Variants in NKAIN3 observed in about 807,000 individuals in gnomAD.
NKAIN3 encodes the protein sodium/potassium transporting ATPase interacting 3.
A neutral mutation model predicts 30.2 loss-of-function variants in NKAIN3; 25 were observed. The ratio of observed to expected loss-of-function variants is 0.83; its 90% confidence interval spans 0.60 to 1.16. The LOEUF (loss-of-function observed/expected upper bound fraction) is 1.16. Ranked by LOEUF, NKAIN3 falls within the 50% of genes most tolerant of loss-of-function variation. NKAIN3 has a pLI of 0.00. For missense variants in NKAIN3, 225 were observed against 254.1 expected (o/e 0.89, Z 0.78); for synonymous variants, 91 against 89.6 (o/e 1.02, Z -0.09).
At chr8:62,470,840 A>G (rs1420805751) in intron 1 of NKAIN3, among the ~76,000 whole-genome samples, 1 of 152,160 alleles carries the variant, frequency 6.6e-6, no homozygotes, top group Non-Finnish European at 1.5e-5. Context: ...CAGTTAAAAA[A>G]AAAACAACTT....
At chr8:62,931,855 A>C (rs1325485772) in intron 5 of NKAIN3, among the ~76,000 whole-genome samples, 4 of 152,260 alleles carry the variant, frequency 2.6e-5, no homozygotes, top group South Asian at 4.1e-4. Context: ...CTTGACAGAC[A>C]CTTTGTTGAT....
At chr8:62,312,816 CT>C (rs1814489472) in intron 1 of NKAIN3, among the ~76,000 whole-genome samples, 1 of 114,664 alleles carries the variant, frequency 8.7e-6, no homozygotes, top group Admixed American at 9.0e-5. Flanking sequence ...CAGAGTGAAC[CT>C]TGTCTCAAAA....
At chr8:62,878,937 A>G (rs891699192) in intron 4 of NKAIN3, among the ~76,000 whole-genome samples, 3 of 152,044 alleles carry the variant, frequency 2.0e-5, no homozygotes, top group Non-Finnish European at 2.9e-5. Flanking sequence ...TTGGTTCCAA[A>G]TCTTTGCTAT....
intron 4 of NKAIN3, among the ~76,000 whole-genome samples, chr8:62,790,751 A>C (rs1817682047): frequency 6.6e-6 from 1 of 152,098 alleles, no homozygotes; most frequent in African/African-American, 2.4e-5. Flanking sequence ...AAAGCTATTG[A>C]GAAAGACATG....
At chr8:62,739,828 G>A (rs1424525264) in intron 3 of NKAIN3, among the ~76,000 whole-genome samples, 2 of 152,060 alleles carry the variant, frequency 1.3e-5, no homozygotes, top group Non-Finnish European at 2.9e-5. Flanking sequence ...AATGATCAGT[G>A]GCCACTCCTC....
intron 1 of NKAIN3, among the ~76,000 whole-genome samples, chr8:62,364,842 A>AAAAAAAAAAAAAAAAAAAAC: frequency 2.0e-5 from 3 of 150,950 alleles, no homozygotes; most frequent in African/African-American, 4.9e-5. Context: ...AAAAAAAAAA[A>AAAAAAAAAAAAAAAAAAAAC]AAAAAAAAAT....
chr8:62,656,903 A>G (rs1038141589), intron 3 of NKAIN3, among the ~76,000 whole-genome samples: 1 of 152,228 alleles, frequency 6.6e-6, no homozygotes, highest in African/African-American at 2.4e-5. Context: ...CTAAATCAAC[A>G]TGTTACCAAA....
chr8:62,315,565 G>A (rs184642446), intron 1 of NKAIN3, among the ~76,000 whole-genome samples: 133 of 152,040 alleles, frequency 8.7e-4, no homozygotes, highest in African/African-American at 3.0e-3. Flanking sequence ...AATGAGAGAA[G>A]CAGTTATTAT....
At chr8:62,364,184 G>T (rs1230458882) in intron 1 of NKAIN3, among the ~76,000 whole-genome samples, 1 of 152,116 alleles carries the variant, frequency 6.6e-6, no homozygotes, top group Non-Finnish European at 1.5e-5. Flanking sequence ...TCTGTTGTAG[G>T]TCCATTAAAT....
intron 4 of NKAIN3, among the ~76,000 whole-genome samples, chr8:62,859,040 T>C (rs568574194): frequency 6.6e-6 from 1 of 152,276 alleles, no homozygotes; most frequent in East Asian, 1.9e-4. Context: ...TCCACATAGC[T>C]CTGTGTGTCG....
At chr8:62,354,332 G>T (rs1585715268) in intron 1 of NKAIN3, among the ~76,000 whole-genome samples, 1 of 152,188 alleles carries the variant, frequency 6.6e-6, no homozygotes, top group African/African-American at 2.4e-5. Flanking sequence ...ACTGGGAAGG[G>T]TCTGAGATTT....
chr8:62,355,756 C>A (rs913219189), intron 1 of NKAIN3, among the ~76,000 whole-genome samples: 3 of 152,176 alleles, frequency 2.0e-5, no homozygotes, highest in Non-Finnish European at 2.9e-5. Flanking sequence ...TCTACACATG[C>A]ATTTGCGACA....
At chr8:62,321,268 A>G (rs1347163049) in intron 1 of NKAIN3, among the ~76,000 whole-genome samples, 1 of 152,172 alleles carries the variant, frequency 6.6e-6, no homozygotes, top group East Asian at 1.9e-4. Flanking sequence ...CTTCTTTGCC[A>G]TGGGTTCGAA....
chr8:62,550,742 A>G (rs2129933823), intron 1 of NKAIN3, among the ~76,000 whole-genome samples: 3 of 152,362 alleles, frequency 2.0e-5, no homozygotes, highest in Non-Finnish European at 4.4e-5. Context: ...GGAATTTTAT[A>G]GATTCTTGAA....
At chr8:62,584,537 GTTTC>G (rs1398310149) in intron 2 of NKAIN3, among the ~76,000 whole-genome samples, 1 of 152,140 alleles carries the variant, frequency 6.6e-6, no homozygotes, top group Non-Finnish European at 1.5e-5. Context: ...TATGAAAATT[GTTTC>G]TTTATCTACT....
chr8:62,697,446 C>A (rs1315842197), intron 3 of NKAIN3, among the ~76,000 whole-genome samples: 1 of 152,190 alleles, frequency 6.6e-6, no homozygotes, highest in Admixed American at 6.5e-5. Context: ...TCAAGTGTTA[C>A]TTTCTCAATG....
chr8:62,778,606 G>T (rs1167794651), intron 4 of NKAIN3, among the ~76,000 whole-genome samples: 1 of 152,212 alleles, frequency 6.6e-6, no homozygotes, highest in East Asian at 1.9e-4. Flanking sequence ...CTTCAGGGAA[G>T]TGGGCTCTCC....
At chr8:62,480,691 C>T (rs945876705) in intron 1 of NKAIN3, among the ~76,000 whole-genome samples, 1 of 152,202 alleles carries the variant, frequency 6.6e-6, no homozygotes, top group East Asian at 1.9e-4. Context: ...AAATGGCAGT[C>T]CTGAGTTGTA....
chr8:62,648,341 C>T (rs1341093985), intron 3 of NKAIN3, among the ~76,000 whole-genome samples: 3 of 151,852 alleles, frequency 2.0e-5, no homozygotes, highest in African/African-American at 7.3e-5. Context: ...GAATGTGTGT[C>T]GGGAGAAATG....
Sources: gnomAD v4.1 joint callset for allele counts (sites outside exome capture counted in the v4.1 genomes callset) on GRCh38, gnomAD v4.1.1 for gene constraint, MANE v1.5 for transcripts, NCBI Gene and HGNC (gene_info 2026-07-23, HGNC 2026-07-21) for gene names.